The following ATP9A variants were observed in gnomAD, a reference collection of about 807,000 sequenced individuals.
The protein encoded by ATP9A is probable phospholipid-transporting ATPase IIA.
ATP9A carries 52 observed loss-of-function variants against 144.1 expected under a neutral mutation model. That is an observed-to-expected ratio of 0.36 (90% confidence interval 0.29 to 0.45). ATP9A has a LOEUF of 0.45. ATP9A is among the 20% of genes least tolerant of loss of function. The pLI is 1.00. For missense variants in ATP9A, 947 were observed against 1,392.7 expected, an observed-to-expected ratio of 0.68 and a Z score of 5.09; for synonymous variants, 582 against 557.4, an observed-to-expected ratio of 1.04 and a Z score of -0.62.
At chr20:51,652,426 C>G (rs537789517) in intron 14 of ATP9A, among the ~76,000 whole-genome samples, 10 of 152,344 alleles carry the variant, frequency 6.6e-5, no homozygotes, top group African/African-American at 1.9e-4. Context: ...AAAATGCATA[C>G]TGGTTTCTAC....
At chr20:51,636,852 G>A (rs1321592488) in intron 15 of ATP9A, among the ~76,000 whole-genome samples, 1 of 152,252 alleles carries the variant, frequency 6.6e-6, no homozygotes, top group Admixed American at 6.5e-5. Context: ...CACTTTGGGA[G>A]GCCAAGGTGG....
At chr20:51,633,382 C>A (rs980736580) in intron 15 of ATP9A, among the ~76,000 whole-genome samples, 1 of 152,078 alleles carries the variant, frequency 6.6e-6, no homozygotes, top group Non-Finnish European at 1.5e-5. Flanking sequence ...TATTTACACT[C>A]GGATATGCTT....
At chr20:51,657,623 T>A (rs759968106) in intron 13 of ATP9A, among the ~76,000 whole-genome samples, 21 of 152,184 alleles carry the variant, frequency 1.4e-4, no homozygotes, top group African/African-American at 4.8e-4. Context: ...TGACAAGATA[T>A]GTCACCAAAT....
chr20:51,730,235 G>T (rs949209784), intron 1 of ATP9A, among the ~76,000 whole-genome samples: 1 of 152,140 alleles, frequency 6.6e-6, no homozygotes, highest in Non-Finnish European at 1.5e-5. Context: ...TTGGGAGGCC[G>T]AGGTGGGCAG....
intron 19 of ATP9A, 34 bp from the exon 20 acceptor site, chr20:51,619,077 G>T: frequency 6.4e-7 from 1 of 1,573,726 alleles, no homozygotes; most frequent in Non-Finnish European, 8.7e-7. Context: ...AGGAGGCATT[G>T]CTCTCCGGAC....
At chr20:51,628,376 AT>A (rs1381810184) in intron 16 of ATP9A, among the ~76,000 whole-genome samples, 1 of 152,150 alleles carries the variant, frequency 6.6e-6, no homozygotes, top group Admixed American at 6.5e-5. Flanking sequence ...TTCTGGTATA[AT>A]CGCCTACCCT....
At chr20:51,755,592 T>C (rs1193441245) in intron 1 of ATP9A, among the ~76,000 whole-genome samples, 1 of 152,196 alleles carries the variant, frequency 6.6e-6, no homozygotes, top group Admixed American at 6.5e-5. Flanking sequence ...AAAATTATCA[T>C]TTTCTTCTAA....
chr20:51,689,092 C>A lies in ATP9A; in HGVS notation c.771G>T (p.Thr257=), dbSNP rs537822691. 13 of 1,613,982 alleles carry A rather than the reference C, an allele frequency of 8.1e-6. No homozygotes were observed. The Admixed American group carries it at 2.0e-4, about 25-fold the overall frequency. ...PISESLSIEN[T]LWAGTVVASG... ...ATGCGACCACAGTGCCAGCCCACAG[C>A]GTGTTCTCTATGCTCAGGCTCTCGC... Residue 257 remains threonine (T), a synonymous_variant, in exon 9 of 28, where the codon ACG becomes ACT. Transcript: ENST00000338821.
intron 4 of ATP9A, among the ~76,000 whole-genome samples, chr20:51,707,616 G>A (rs912748284): frequency 6.6e-6 from 1 of 152,168 alleles, no homozygotes; most frequent in African/African-American, 2.4e-5. Context: ...GGCAGAGCAA[G>A]TTTGGAGCCA....
chr20:51,694,266 G>A (rs909945637), intron 6 of ATP9A, among the ~76,000 whole-genome samples, 164 bp from the exon 7 acceptor site: 5 of 152,050 alleles, frequency 3.3e-5, no homozygotes, highest in African/African-American at 1.2e-4. Flanking sequence ...ATAAGCTCTG[G>A]GGTCAAAAAG....
At chr20:51,669,845 C>T in intron 13 of ATP9A, 152 bp downstream of exon 13, 1 of 642,814 alleles carries the variant, frequency 1.6e-6, no homozygotes, top group Non-Finnish European at 2.7e-6. Context: ...ATTGCAGTGA[C>T]AGTTGCTCAA....
intron 4 of ATP9A, among the ~76,000 whole-genome samples, chr20:51,712,369 G>A (rs890206584): frequency 2.6e-5 from 4 of 152,054 alleles, no homozygotes; most frequent in Admixed American, 1.3e-4. Flanking sequence ...CCACTGTACT[G>A]GGCCAAAATT....
intron 9 of ATP9A, among the ~76,000 whole-genome samples, chr20:51,685,698 T>C (rs1031446990): frequency 3.9e-5 from 6 of 152,110 alleles, no homozygotes; most frequent in Non-Finnish European, 8.8e-5. Flanking sequence ...ATGGTGATCA[T>C]TAAAAACTCA....
At chr20:51,651,175 C>A (rs1428386161) in intron 14 of ATP9A, among the ~76,000 whole-genome samples, 3 of 72,364 alleles carry the variant, frequency 4.1e-5, no homozygotes, top group African/African-American at 1.1e-4. Flanking sequence ...TACACACACA[C>A]ACACAAAGTA....
chr20:51,650,533 C>CAA (rs1168011793), intron 14 of ATP9A, among the ~76,000 whole-genome samples: 1 of 131,618 alleles, frequency 7.6e-6, no homozygotes, highest in Non-Finnish European at 1.6e-5. Context: ...GACTCCGTCT[C>CAA]AAAAAAAAAA....
intron 14 of ATP9A, among the ~76,000 whole-genome samples, chr20:51,646,791 G>A (rs1358121639): frequency 6.6e-6 from 1 of 151,948 alleles, no homozygotes; most frequent in Admixed American, 6.6e-5. Flanking sequence ...AACACAGCCT[G>A]CTAGGAATCA....
At chr20:51,698,685 G>A (rs1175670550) in intron 4 of ATP9A, among the ~76,000 whole-genome samples, 8 of 152,216 alleles carry the variant, frequency 5.3e-5, no homozygotes, top group African/African-American at 1.9e-4. Flanking sequence ...TGGGAGAGTT[G>A]AGGCCAGAAT....
At chr20:51,634,084 C>T (rs1268889246) in intron 15 of ATP9A, among the ~76,000 whole-genome samples, 1 of 152,180 alleles carries the variant, frequency 6.6e-6, no homozygotes, top group African/African-American at 2.4e-5. Context: ...ACTCTAAGCA[C>T]AGAGTCCCTG....
intron 6 of ATP9A, among the ~76,000 whole-genome samples, chr20:51,695,141 A>G (rs549080225): frequency 6.6e-6 from 1 of 152,296 alleles, no homozygotes; most frequent in African/African-American, 2.4e-5. Flanking sequence ...CATGCCAGAT[A>G]AGGGAAAAAC....
Sources: gnomAD v4.1 joint callset for allele counts (sites outside exome capture counted in the v4.1 genomes callset) on GRCh38, gnomAD v4.1.1 for gene constraint, MANE v1.5 for transcripts, NCBI Gene and HGNC (gene_info 2026-07-23, HGNC 2026-07-21) for gene names.